The following MMP16 variants were observed in gnomAD, a reference collection of about 807,000 sequenced individuals.
The protein encoded by MMP16 is matrix metalloproteinase-16.
In MMP16, 12 loss-of-function variants were observed where a neutral mutation model predicts 67.8. The ratio of observed to expected loss-of-function variants is 0.18; its 90% CI spans 0.11 to 0.29. The LOEUF is 0.29. Among genes scored for constraint, MMP16 ranks in the 10% least tolerant of loss-of-function variants. The pLI is 1.00. For missense variants in MMP16, 475 were observed against 765.7 expected, an observed-to-expected ratio of 0.62 and a Z score of 4.48; for synonymous variants, 249 against 255.9, an observed-to-expected ratio of 0.97 and a Z score of 0.26.
rs1247657077 is a variant in MMP16 at position 88,038,433 on chromosome 8, T to A, written c.*3028A>T. On this transcript the variant is annotated 3_prime_UTR_variant, in exon 10 of 10. Coordinates refer to ENST00000286614, the MANE Select transcript of MMP16 (RefSeq NM_005941.5). This position sits in a 1 kb window ranked among gnomAD's most constrained non-coding sequence, Gnocchi z 4.1. ...TGATTATTTTCTAGCCCTTATATAC[T>A]GATAGCCTTATGACGAATCAGGATA... is the stretch of plus-strand genomic sequence containing the variant. The A allele has an allele frequency of 6.6e-6, 1 of 152,452 alleles. No individual in the cohort carries two copies. The highest frequency in any genetic ancestry group is 1.5e-5 in the Non-Finnish European group (1 of 67,946). The allele number at this position is 152,452 out of a possible 1,614,324, so 9.4% of individuals were successfully genotyped here. A position where few individuals can be genotyped will look rare whatever the true frequency, so the allele number is the denominator to read the frequency against.
At chr8:88,285,360 G>T (rs1043919442) in intron 1 of MMP16, among the ~76,000 whole-genome samples, 1 of 151,998 alleles carries the variant, frequency 6.6e-6, no homozygotes, top group African/African-American at 2.4e-5. Flanking sequence ...GGCTGGTCTC[G>T]AACTCCTGAC....
intron 6 of MMP16, among the ~76,000 whole-genome samples, chr8:88,115,231 A>G (rs1177105980): frequency 6.6e-6 from 1 of 152,072 alleles, no homozygotes; most frequent in Non-Finnish European, 1.5e-5. Flanking sequence ...TAAACAAAAG[A>G]TTGCACTTTG....
intron 4 of MMP16, among the ~76,000 whole-genome samples, chr8:88,125,996 T>C (rs1807924437): frequency 6.6e-6 from 1 of 151,858 alleles, no homozygotes; most frequent in South Asian, 2.1e-4. Flanking sequence ...CTGATCTGAA[T>C]TGCCATATTA....
At chr8:88,169,594 T>G (rs746460693) in intron 3 of MMP16, among the ~76,000 whole-genome samples, 1 of 152,180 alleles carries the variant, frequency 6.6e-6, no homozygotes, top group Non-Finnish European at 1.5e-5. Flanking sequence ...CTAGATTATA[T>G]TTACATTGAT....
intron 3 of MMP16, among the ~76,000 whole-genome samples, chr8:88,172,082 T>G (rs1327802362): frequency 3.3e-5 from 5 of 152,142 alleles, no homozygotes; most frequent in African/African-American, 1.2e-4. Context: ...GCCTCCAAAG[T>G]GCTGGGATTA....
At chr8:88,270,263 T>G (rs997276784) in intron 1 of MMP16, among the ~76,000 whole-genome samples, 14 of 152,150 alleles carry the variant, frequency 9.2e-5, no homozygotes, top group Non-Finnish European at 1.5e-5. Context: ...ATGAAACAAT[T>G]TTAATAAATT....
rs368686837 is a variant in MMP16, at chr8:88,302,663, G to A, written c.132+24412C>T. Among the ~76,000 whole-genome samples, 103 of 152,232 alleles carry A rather than the reference G, an allele frequency of 6.8e-4. No individual in the cohort carries two copies. In the Middle Eastern group the frequency reaches 0.014, roughly 20 times the overall value. On this transcript the variant is annotated intron_variant, in intron 1 of 9. Coordinates refer to ENST00000286614, the MANE Select transcript of MMP16 (RefSeq NM_005941.5). ...AGGGGAAAATTGGAAATGCAGAAGT[G>A]GAAGGGGAAACAGTTAAAGTGAGTA...
At chr8:88,318,980 T>C (rs1034804862) in intron 1 of MMP16, among the ~76,000 whole-genome samples, 2 of 152,048 alleles carry the variant, frequency 1.3e-5, no homozygotes, top group Non-Finnish European at 2.9e-5. Flanking sequence ...TTCCTACTTA[T>C]AAAGGAGACT....
At chr8:88,147,669 C>T (rs1338214387) in intron 4 of MMP16, among the ~76,000 whole-genome samples, 5 of 151,352 alleles carry the variant, frequency 3.3e-5, no homozygotes, top group Non-Finnish European at 7.4e-5. Flanking sequence ...CTTGACTCTC[C>T]AGTGACTATG....
intron 4 of MMP16, among the ~76,000 whole-genome samples, chr8:88,119,493 TC>T (rs1405090319): frequency 6.6e-6 from 1 of 152,102 alleles, no homozygotes; most frequent in Non-Finnish European, 1.5e-5. Flanking sequence ...CCAATTCTAA[TC>T]TTTTCATATG....
chr8:88,050,006 C>T (rs1258266530), intron 8 of MMP16, among the ~76,000 whole-genome samples: 1 of 151,822 alleles, frequency 6.6e-6, no homozygotes, highest in Non-Finnish European at 1.5e-5. Context: ...GCAAGGGCAA[C>T]AGAATGAGAC....
chr8:88,101,266 G>A (rs1476591156), intron 6 of MMP16, among the ~76,000 whole-genome samples: 1 of 151,696 alleles, frequency 6.6e-6, no homozygotes, highest in Non-Finnish European at 1.5e-5. Context: ...AAACACCACA[G>A]GTCCTCAATA....
chr8:88,196,769 A>G (rs1809263488), intron 2 of MMP16, among the ~76,000 whole-genome samples: 1 of 151,600 alleles, frequency 6.6e-6, no homozygotes, highest in South Asian at 2.1e-4. Context: ...CCATTTGGCC[A>G]ATTTCAAGCT....
intron 4 of MMP16, among the ~76,000 whole-genome samples, chr8:88,162,907 A>T (rs1315887100): frequency 6.6e-6 from 1 of 152,000 alleles, no homozygotes; most frequent in African/African-American, 2.4e-5. Flanking sequence ...TCAATTAAAT[A>T]TCTTTTGTTT....
chr8:88,264,042 A>AT (rs369820780), intron 1 of MMP16, among the ~76,000 whole-genome samples: 2 of 97,622 alleles, frequency 2.0e-5, no homozygotes, highest in Admixed American at 1.1e-4. Context: ...ACATATATAT[A>AT]TATATATATA....
intron 4 of MMP16, among the ~76,000 whole-genome samples, chr8:88,138,707 T>C (rs1767314600): frequency 6.6e-6 from 1 of 152,088 alleles, no homozygotes; most frequent in Non-Finnish European, 1.5e-5. Context: ...TGTCCTAAGA[T>C]CACCTAAGTA....
At chr8:88,290,357 C>A (rs370095403) in intron 1 of MMP16, among the ~76,000 whole-genome samples, 2 of 151,934 alleles carry the variant, frequency 1.3e-5, no homozygotes, top group Non-Finnish European at 2.9e-5. Context: ...TCGAGGCCAT[C>A]CTGGCTAACA....
chr8:88,085,536 G>C (rs1326023971), intron 6 of MMP16, among the ~76,000 whole-genome samples: 1 of 151,902 alleles, frequency 6.6e-6, no homozygotes, highest in Non-Finnish European at 1.5e-5. Flanking sequence ...AAATCACTTT[G>C]GGTACTGCCA....
intron 1 of MMP16, among the ~76,000 whole-genome samples, chr8:88,212,026 G>GC (rs1340351009): frequency 7.1e-6 from 1 of 141,476 alleles, no homozygotes; most frequent in Non-Finnish European, 1.5e-5. Context: ...GTTCACACTG[G>GC]CCCCACATCT....
Sources: allele counts gnomAD v4.1 joint callset (sites outside exome capture counted in the v4.1 genomes callset), GRCh38; gene constraint gnomAD v4.1.1; non-coding constraint Gnocchi (gnomAD v3.1); transcripts MANE v1.5; gene names NCBI Gene and HGNC (gene_info 2026-07-23, HGNC 2026-07-21).